The following PAN3 variants were observed in gnomAD, a reference collection of about 807,000 sequenced individuals.
PAN3 encodes the protein PAN2-PAN3 deadenylation complex subunit PAN3.
PAN3 carries 19 observed loss-of-function variants against 96.2 expected under a neutral mutation model. The observed-to-expected ratio is 0.20, with a 90% CI of 0.14 to 0.29. PAN3 has a LOEUF of 0.29. PAN3 is among the 10% of genes least tolerant of loss of function. The pLI is 1.00. For synonymous variants in PAN3, 433 were observed against 406.6 expected, an observed-to-expected ratio of 1.06 and a Z score of -0.78; for missense variants, 882 against 1,108.1, an observed-to-expected ratio of 0.80 and a Z score of 2.90.
At chr13:28,273,087 A>T (rs919099707) in intron 14 of PAN3, among the ~76,000 whole-genome samples, 1 of 152,142 alleles carries the variant, frequency 6.6e-6, no homozygotes, top group African/African-American at 2.4e-5. Context: ...AAATGTTTTC[A>T]TAGGTTTGTT....
chr13:28,138,398 C>T (rs757526837), upstream of PAN3: 8 of 222,708 alleles, frequency 3.6e-5, no homozygotes, highest in East Asian at 9.2e-5. Flanking sequence ...CGTCGTCCCG[C>T]GCGGCCCCTT....
At chr13:28,241,273 CAAAAGAAAGAA>C (rs1883637818) in intron 6 of PAN3, among the ~76,000 whole-genome samples, 2 of 151,952 alleles carry the variant, frequency 1.3e-5, no homozygotes, top group Admixed American at 6.6e-5. Context: ...AAAAAAAGGA[CAAAAGAAAGAA>C]AAAAGAAAGT....
intron 6 of PAN3, among the ~76,000 whole-genome samples, chr13:28,243,713 G>C (rs1231869799): frequency 6.6e-6 from 1 of 151,952 alleles, no homozygotes; most frequent in Non-Finnish European, 1.5e-5. Flanking sequence ...TTGTGAGAGG[G>C]AGTGTTGCTC....
In PAN3 at chr13:28,292,654, C is replaced by A; in HGVS notation, c.*132C>A. The A allele has an allele frequency of 1.3e-6, 1 of 772,618 alleles. No individual in the cohort carries two copies. Among genetic ancestry groups the A allele is most frequent in the Non-Finnish European group, 1.9e-6 (1 of 525,170 alleles). 47.9% of individuals were successfully genotyped at this position (772,618 alleles called of 1,614,324 possible). A position where few individuals can be genotyped will look rare whatever the true frequency, so the allele number is the denominator to read the frequency against. On this transcript the variant is annotated 3_prime_UTR_variant, in exon 19 of 19. Coordinates refer to ENST00000380958, the MANE Select transcript of PAN3 (RefSeq NM_175854.8). ...GAGATGAGCAAAGCTGCTTGCACTTCAGTCAGGTACACTGTTACTTGAAAG... is the reference window on the plus strand; with the variant it reads ...GAGATGAGCAAAGCTGCTTGCACTTAAGTCAGGTACACTGTTACTTGAAAG...
At chr13:28,214,493 A>G (rs2138342510) in intron 5 of PAN3, 1 of 254,020 alleles carries the variant, frequency 3.9e-6, no homozygotes, top group Admixed American at 5.2e-5. Context: ...CACAGGTGTC[A>G]TGAAAACTAC....
At chr13:28,281,090 G>A (rs1887436484) in intron 16 of PAN3, among the ~76,000 whole-genome samples, 1 of 152,158 alleles carries the variant, frequency 6.6e-6, no homozygotes, top group Non-Finnish European at 1.5e-5. Context: ...TTTCATGTGA[G>A]TTACTTTTCC....
chr13:28,142,780 C>T (rs1272582768), intron 1 of PAN3, among the ~76,000 whole-genome samples: 1 of 152,086 alleles, frequency 6.6e-6, no homozygotes, highest in Non-Finnish European at 1.5e-5. Flanking sequence ...TTCTGGTTTC[C>T]CTTTAAGGAT....
chr13:28,234,452 T>A (rs1198055256), intron 6 of PAN3, among the ~76,000 whole-genome samples: 3 of 152,352 alleles, frequency 2.0e-5, no homozygotes, highest in Middle Eastern at 3.4e-3. Flanking sequence ...TTGGTGTGCA[T>A]GTGAATGTAT....
At chr13:28,289,466 C>A (rs528444346) in intron 18 of PAN3, among the ~76,000 whole-genome samples, 1 of 152,126 alleles carries the variant, frequency 6.6e-6, no homozygotes, top group Non-Finnish European at 1.5e-5. Flanking sequence ...TTGGTCGATA[C>A]GGGATTTCAC....
At chr13:28,206,808 C>T (rs1879429810) in intron 5 of PAN3, among the ~76,000 whole-genome samples, 1 of 151,380 alleles carries the variant, frequency 6.6e-6, no homozygotes, top group South Asian at 2.1e-4. Context: ...CTGTCATTGA[C>T]TGTTTTTTCT....
At chr13:28,211,896 G>T (rs945270661) in intron 5 of PAN3, among the ~76,000 whole-genome samples, 2 of 152,164 alleles carry the variant, frequency 1.3e-5, no homozygotes, top group African/African-American at 4.8e-5. Context: ...TCCCAACCTT[G>T]TATAGAAAGG....
chr13:28,180,036 T>G (rs951363435), intron 4 of PAN3, among the ~76,000 whole-genome samples: 3 of 152,166 alleles, frequency 2.0e-5, no homozygotes, highest in African/African-American at 7.2e-5. Context: ...ATATATCCAA[T>G]GGAAGCAGAC....
At chr13:28,286,487 CT>C (rs1868985800) in intron 17 of PAN3, among the ~76,000 whole-genome samples, 1 of 152,178 alleles carries the variant, frequency 6.6e-6, no homozygotes, top group South Asian at 2.1e-4. Flanking sequence ...CAAACTTGCA[CT>C]TTTAGTAGTC....
At chr13:28,271,305 C>T (rs945311744) in intron 13 of PAN3, among the ~76,000 whole-genome samples, 1 of 152,138 alleles carries the variant, frequency 6.6e-6, no homozygotes, top group East Asian at 1.9e-4. Flanking sequence ...GCCATTGCTG[C>T]TGTTGAGTCA....
At chr13:28,146,549 C>T (rs1283136520) in intron 1 of PAN3, among the ~76,000 whole-genome samples, 1 of 152,096 alleles carries the variant, frequency 6.6e-6, no homozygotes, top group Admixed American at 6.5e-5. Context: ...GCACCCAAAC[C>T]TAGATGGTAT....
chr13:28,147,798 A>G (rs1258998590), intron 1 of PAN3, among the ~76,000 whole-genome samples: 1 of 152,152 alleles, frequency 6.6e-6, no homozygotes, highest in African/African-American at 2.4e-5. Context: ...GGGTATGCAG[A>G]TCTCACTAAT....
chr13:28,214,788 G>A, intron 5 of PAN3: 1 of 595,318 alleles, frequency 1.7e-6, no homozygotes. Context: ...TAGCATTGAT[G>A]CCCCAGGACA....
At chr13:28,163,812 G>A (rs80078558) in intron 1 of PAN3, among the ~76,000 whole-genome samples, 2,867 of 152,076 alleles carry the variant, frequency 0.019, 99 homozygotes, top group African/African-American at 0.065. Flanking sequence ...ATTACTTTAC[G>A]CCATGATCTT....
chr13:28,283,150 GC>G (rs1194740664), intron 17 of PAN3, among the ~76,000 whole-genome samples: 1 of 151,998 alleles, frequency 6.6e-6, no homozygotes, highest in Non-Finnish European at 1.5e-5. Context: ...CCAGGATCAA[GC>G]GATTCTCCTG....
Sources: allele counts gnomAD v4.1 joint callset (sites outside exome capture counted in the v4.1 genomes callset), GRCh38; gene constraint gnomAD v4.1.1; transcripts MANE v1.5; gene names NCBI Gene and HGNC (gene_info 2026-07-23, HGNC 2026-07-21).